The following DCHS2 variants were observed in gnomAD, a reference collection of about 807,000 sequenced individuals.
DCHS2 encodes protocadherin-23.
A neutral mutation model predicts 182.4 loss-of-function variants in DCHS2; 142 were observed. The ratio of observed to expected loss-of-function variants is 0.78; its 90% CI spans 0.68 to 0.89. DCHS2 has a LOEUF of 0.89. Ranked by LOEUF, DCHS2 falls within the 40% of genes least tolerant of loss-of-function variation. DCHS2 has a pLI of 0.00. For missense variants in DCHS2, 4,319 were observed against 4,198.6 expected (o/e 1.03, Z -0.79); for synonymous variants, 1,740 against 1,663.3 (o/e 1.05, Z -1.12).
At chr4:154,262,855 A>G (rs1387520415) in intron 14 of DCHS2, among the ~76,000 whole-genome samples, 3 of 152,238 alleles carry the variant, frequency 2.0e-5, no homozygotes, top group Non-Finnish European at 2.9e-5. Context: ...GAATGCTGCC[A>G]TCTGTTATTT....
chr4:154,306,165 T>C (rs1292345922), intron 10 of DCHS2, among the ~76,000 whole-genome samples: 1 of 152,080 alleles, frequency 6.6e-6, no homozygotes, highest in African/African-American at 2.4e-5. Flanking sequence ...AGGAGTGAAA[T>C]AGAATTCTAG....
intron 16 of DCHS2, among the ~76,000 whole-genome samples, chr4:154,253,996 A>G (rs1471906840): frequency 6.6e-6 from 1 of 152,232 alleles, no homozygotes; most frequent in Non-Finnish European, 1.5e-5. Context: ...GTGACTTAGA[A>G]GCAGAATACT....
intron 1 of DCHS2, among the ~76,000 whole-genome samples, chr4:154,427,051 T>C (rs1231623620): frequency 6.6e-6 from 1 of 152,220 alleles, no homozygotes; most frequent in Admixed American, 6.5e-5. Context: ...ACTTGATAAA[T>C]GTTTGAGGTG....
chr4:154,329,714 C>A lies in DCHS2; in HGVS notation c.3731-4G>T. On this transcript the variant is annotated splice_polypyrimidine_tract_variant and splice_region_variant and intron_variant, in intron 5 of 19. Transcript: ENST00000357232. Reference sequence around the variant, plus strand: ...GCCACCCAATTGATTAACTCTCCTGCAGAGTACAGAGCAGAACAAGACACA... The same window carrying A: ...GCCACCCAATTGATTAACTCTCCTGAAGAGTACAGAGCAGAACAAGACACA... The A allele has an allele frequency of 6.2e-7, 1 of 1,611,140 alleles. No homozygotes were observed. Among genetic ancestry groups the A allele is most frequent in the Non-Finnish European group, 8.5e-7 (1 of 1,179,252 alleles).
intron 1 of DCHS2, among the ~76,000 whole-genome samples, chr4:154,450,825 GA>G (rs920417836): frequency 1.3e-5 from 2 of 149,788 alleles, no homozygotes; most frequent in African/African-American, 2.5e-5. Flanking sequence ...TCCCATCTCA[GA>G]AAAAAAAAGA....
At chr4:154,315,511 G>A (rs1735819573) in intron 10 of DCHS2, among the ~76,000 whole-genome samples, 2 of 152,144 alleles carry the variant, frequency 1.3e-5, no homozygotes, top group Admixed American at 1.3e-4. Context: ...TTAATAAGGT[G>A]TGTATCACCC....
At chr4:154,303,129 C>T (rs1019136812) in intron 12 of DCHS2, among the ~76,000 whole-genome samples, 37 of 151,600 alleles carry the variant, frequency 2.4e-4, no homozygotes, top group Non-Finnish European at 4.4e-5. Context: ...TTACAGGTGC[C>T]TGCCACCACA....
At chr4:154,407,872 A>T (rs1322515048) in intron 1 of DCHS2, among the ~76,000 whole-genome samples, 1 of 152,180 alleles carries the variant, frequency 6.6e-6, no homozygotes, top group Non-Finnish European at 1.5e-5. Context: ...CATTCCCTTT[A>T]CTAAATCCTG....
intron 5 of DCHS2, among the ~76,000 whole-genome samples, chr4:154,331,901 T>C (rs769707527): frequency 1.5e-4 from 23 of 152,246 alleles, no homozygotes; most frequent in Non-Finnish European, 2.9e-4. Flanking sequence ...CTTTTAATCT[T>C]TAATTTCTTA....
intron 14 of DCHS2, among the ~76,000 whole-genome samples, chr4:154,264,850 A>G (rs1733163508): frequency 1.3e-5 from 2 of 152,178 alleles, no homozygotes; most frequent in African/African-American, 4.8e-5. Context: ...ATCAACAAGG[A>G]TGCAGCTAAA....
intron 1 of DCHS2, among the ~76,000 whole-genome samples, chr4:154,438,015 A>T (rs1333882983): frequency 1.3e-5 from 2 of 151,978 alleles, no homozygotes; most frequent in Non-Finnish European, 2.9e-5. Context: ...CCTAAAAAAA[A>T]GTTAATAAAA....
intron 1 of DCHS2, among the ~76,000 whole-genome samples, chr4:154,395,198 C>A (rs1449781417): frequency 6.6e-6 from 1 of 152,122 alleles, no homozygotes; most frequent in Non-Finnish European, 1.5e-5. Flanking sequence ...TTAATAACAT[C>A]ATTAAGTATG....
In DCHS2 at chr4:154,428,178, T is replaced by C. The variant is rs911318010; in HGVS notation, c.2053-50734A>G. Among the ~76,000 whole-genome samples the C allele has an allele frequency of 9.2e-5, 14 of 152,144 alleles. No individual in the cohort carries two copies. The East Asian group carries it at 2.5e-3, about 27-fold the overall frequency. ...GACACATTGGAGATATGAAATCTAG[T>C]AGATATAAAGCAAGTCATACAAAAA... On this transcript the variant is annotated intron_variant, in intron 1 of 19. Coordinates refer to ENST00000357232, the MANE Select transcript of DCHS2 (RefSeq NM_001358235.2).
At chr4:154,401,397 T>C (rs1732174437) in intron 1 of DCHS2, among the ~76,000 whole-genome samples, 1 of 152,116 alleles carries the variant, frequency 6.6e-6, no homozygotes, top group South Asian at 2.1e-4. Flanking sequence ...AGGAGCAGAA[T>C]TGGAGGGTCA....
chr4:154,414,792 T>C (rs1732767818), intron 1 of DCHS2, among the ~76,000 whole-genome samples: 1 of 152,154 alleles, frequency 6.6e-6, no homozygotes, highest in African/African-American at 2.4e-5. Flanking sequence ...AGACTGAAAA[T>C]GAGACCTTGC....
intron 1 of DCHS2, among the ~76,000 whole-genome samples, chr4:154,414,227 A>T (rs1732743331): frequency 6.6e-6 from 1 of 151,718 alleles, no homozygotes; most frequent in Non-Finnish European, 1.5e-5. Context: ...ATATGTTCCA[A>T]TTCAGAGTGA....
At chr4:154,448,196 C>T (rs933963885) in intron 1 of DCHS2, among the ~76,000 whole-genome samples, 4 of 152,132 alleles carry the variant, frequency 2.6e-5, no homozygotes, top group Non-Finnish European at 5.9e-5. Context: ...TATGAGCTTG[C>T]CCTCCCATTC....
chr4:154,406,700 C>A (rs1334677409), intron 1 of DCHS2, among the ~76,000 whole-genome samples: 1 of 152,226 alleles, frequency 6.6e-6, no homozygotes, highest in East Asian at 1.9e-4. Context: ...AGAGGACTTA[C>A]ATGTTATATG....
At chr4:154,374,002 C>G in intron 2 of DCHS2, 1 of 595,244 alleles carries the variant, frequency 1.7e-6, no homozygotes, top group Non-Finnish European at 2.5e-6. Context: ...ATTTTAATAG[C>G]AAAAAAAAAA....
Sources: gnomAD v4.1 joint callset for allele counts (sites outside exome capture counted in the v4.1 genomes callset) on GRCh38, gnomAD v4.1.1 for gene constraint, MANE v1.5 for transcripts, NCBI Gene and HGNC (gene_info 2026-07-23, HGNC 2026-07-21) for gene names.